Variants in CGGBP1 observed in about 807,000 individuals in gnomAD.
The protein encoded by CGGBP1 is CGG triplet repeat binding protein 1, also known as CGG triplet repeat-binding protein 1.
CGGBP1 carries 4 observed loss-of-function variants against 11.4 expected under a neutral mutation model. The ratio of observed to expected loss-of-function variants is 0.35; its 90% CI spans 0.17 to 0.80. CGGBP1 has a LOEUF of 0.80. Among genes scored for constraint, CGGBP1 ranks in the 30% least tolerant of loss-of-function variants. The pLI is 0.52. For missense variants in CGGBP1, 135 were observed against 202.1 expected, an observed-to-expected ratio of 0.67 and a Z score of 2.01; for synonymous variants, 76 against 74.1, an observed-to-expected ratio of 1.03 and a Z score of -0.13.
intron 2 of CGGBP1, among the ~76,000 whole-genome samples, chr3:88,138,037 A>G (rs1451657869): frequency 3.3e-5 from 5 of 152,138 alleles, no homozygotes; most frequent in African/African-American, 7.2e-5. Context: ...AGCTGATGCA[A>G]TTATCCTTGA....
intron 1 of CGGBP1, chr3:88,141,091 A>G: frequency 1.3e-6 from 2 of 1,528,096 alleles, no homozygotes; most frequent in Non-Finnish European, 1.7e-6. Context: ...GTAGAAAGAG[A>G]AAATGGCATA....
chr3:88,074,587 C>G (rs546372058), intron 2 of CGGBP1, among the ~76,000 whole-genome samples: 1 of 152,244 alleles, frequency 6.6e-6, no homozygotes, highest in East Asian at 1.9e-4. Context: ...AGTGATCCGC[C>G]TGCCTCGGCC....
chr3:88,097,310 A>G (rs1255917856), intron 2 of CGGBP1, among the ~76,000 whole-genome samples: 1 of 151,742 alleles, frequency 6.6e-6, no homozygotes. Context: ...ACCAATTTAC[A>G]TTCTTGCCAG....
chr3:88,109,942 A>G (rs1031877112), intron 2 of CGGBP1, among the ~76,000 whole-genome samples: 2 of 152,192 alleles, frequency 1.3e-5, no homozygotes, highest in African/African-American at 4.8e-5. Flanking sequence ...ATTTTTAAAA[A>G]AATCTTCATA....
At chr3:88,078,136 G>GT (rs1707911394) in intron 2 of CGGBP1, among the ~76,000 whole-genome samples, 2 of 152,118 alleles carry the variant, frequency 1.3e-5, no homozygotes. Context: ...TGTTAAACTA[G>GT]TTAGTAGGGT....
At chr3:88,128,820 T>C in intron 2 of CGGBP1, 1 of 1,534,092 alleles carries the variant, frequency 6.5e-7, no homozygotes, top group Non-Finnish European at 8.7e-7. Context: ...GAACAAATAT[T>C]TAAGTTCTGA....
intron 2 of CGGBP1, among the ~76,000 whole-genome samples, chr3:88,117,857 C>A (rs1576314103): frequency 6.6e-6 from 1 of 151,522 alleles, no homozygotes; most frequent in East Asian, 1.9e-4. Flanking sequence ...AGGGGAAGTG[C>A]AGCATAGAGA....
At chr3:88,146,148 C>T (rs1707308758) in intron 1 of CGGBP1, among the ~76,000 whole-genome samples, 1 of 152,150 alleles carries the variant, frequency 6.6e-6, no homozygotes, top group Non-Finnish European at 1.5e-5. Flanking sequence ...ATCAGCATCA[C>T]CTGGAAATTT....
chr3:88,105,022 C>T (rs911354121), intron 2 of CGGBP1, among the ~76,000 whole-genome samples: 72 of 152,280 alleles, frequency 4.7e-4, no homozygotes, highest in African/African-American at 1.7e-3. Context: ...CGCCTGTAAT[C>T]CCAGCTACTC....
At chr3:88,148,428 T>C (rs1041274388) in intron 1 of CGGBP1, among the ~76,000 whole-genome samples, 1 of 152,204 alleles carries the variant, frequency 6.6e-6, no homozygotes, top group Admixed American at 6.5e-5. Flanking sequence ...ATCTCTTTAC[T>C]AACAACACTC....
intron 2 of CGGBP1, among the ~76,000 whole-genome samples, chr3:88,067,761 T>A (rs1707283026): frequency 6.6e-6 from 1 of 152,184 alleles, no homozygotes; most frequent in African/African-American, 2.4e-5. Context: ...GTAGTCAGGT[T>A]GGAGTAGTTC....
At chr3:88,135,004 ATGTC>A in intron 2 of CGGBP1, 2 of 1,193,440 alleles carry the variant, frequency 1.7e-6, no homozygotes, top group Non-Finnish European at 2.2e-6. Flanking sequence ...AAGATAGCTA[ATGTC>A]TGTATTTGAA....
At chr3:88,128,480 A>C (rs1276334320) in intron 2 of CGGBP1, among the ~76,000 whole-genome samples, 1 of 152,126 alleles carries the variant, frequency 6.6e-6, no homozygotes. Flanking sequence ...GACTAAAAAG[A>C]CATAGACCCA....
intron 2 of CGGBP1, among the ~76,000 whole-genome samples, chr3:88,079,849 C>T (rs1411039876): frequency 2.6e-5 from 4 of 152,070 alleles, no homozygotes; most frequent in Admixed American, 6.5e-5. Context: ...CTTTACTAAG[C>T]CCCCAGAAAT....
In CGGBP1 at chr3:88,052,842, C is replaced by T. The variant is rs1471554549; in HGVS notation, c.*2631G>A. On this transcript the variant is annotated 3_prime_UTR_variant, in exon 4 of 4. Transcript: ENST00000482016. ...GTCCTTCAGGCTTGTTATACACCCCCACAGAATCAAGAAGAAAGCCAACAA... is the reference window on the plus strand; with the variant it reads ...GTCCTTCAGGCTTGTTATACACCCCTACAGAATCAAGAAGAAAGCCAACAA... The T allele has an allele frequency of 2.0e-5, 3 of 152,514 alleles. No individual in the cohort carries two copies. Among genetic ancestry groups the T allele is most frequent in the Non-Finnish European group, 4.4e-5 (3 of 67,984 alleles). 9.4% of individuals were successfully genotyped at this position (152,514 alleles called of 1,614,324 possible).
chr3:88,123,948 A>G (rs973448875), intron 2 of CGGBP1, among the ~76,000 whole-genome samples: 2 of 152,178 alleles, frequency 1.3e-5, no homozygotes, highest in Non-Finnish European at 2.9e-5. Context: ...GTTTTAACCC[A>G]TGAAGCTGTT....
upstream of CGGBP1, chr3:88,059,150 A>C (rs976193227): frequency 6.4e-5 from 83 of 1,298,700 alleles, 1 homozygote; most frequent in Admixed American, 4.3e-4. Flanking sequence ...TCCAATAAAA[A>C]CTGGGGGCGT....
chr3:88,082,456 G>A (rs1055028508), intron 2 of CGGBP1, among the ~76,000 whole-genome samples: 2 of 152,172 alleles, frequency 1.3e-5, no homozygotes, highest in Admixed American at 6.5e-5. Context: ...GGCTGGATTC[G>A]CTGTAAACAA....
rs1576257826 is a variant in CGGBP1, at chr3:88,093,658, A to G, written c.-228-35435T>C. Among the ~76,000 whole-genome samples, 8 of 152,352 alleles carry G rather than the reference A, an allele frequency of 5.3e-5. No homozygotes were observed. The South Asian group carries it at 1.4e-3, about 28-fold the overall frequency. ...GACTAGACTACACATGTAATGTTAG[A>G]TCACTGATCCTTTCTGATTATGTTG... On this transcript the variant is annotated intron_variant, in intron 2 of 3. Transcript: ENST00000462901.
Sources: gnomAD v4.1 joint callset for allele counts (sites outside exome capture counted in the v4.1 genomes callset) on GRCh38, gnomAD v4.1.1 for gene constraint, MANE v1.5 for transcripts, NCBI Gene and HGNC (gene_info 2026-07-23, HGNC 2026-07-21) for gene names.